Variants in ABCA13 observed in about 807,000 individuals in gnomAD.
ABCA13 encodes ATP-binding cassette sub-family A member 13.
Under a neutral mutation model 478.7 loss-of-function variants are expected in ABCA13, and 476 were observed. The observed-to-expected ratio is 0.99, with a 90% confidence interval of 0.92 to 1.07. The LOEUF (loss-of-function observed/expected upper bound fraction) is 1.07, where lower values mean the gene tolerates loss of function less well. Among genes scored for constraint, ABCA13 ranks in the 50% least tolerant of loss-of-function variants. ABCA13 has a pLI of 0.00. For missense variants in ABCA13, 6,060 were observed against 5,910.6 expected (o/e 1.03, Z -0.83); for synonymous variants, 2,252 against 2,158.9 (o/e 1.04, Z -1.20).
intron 55 of ABCA13, among the ~76,000 whole-genome samples, chr7:48,533,196 C>G (rs1184809514): frequency 1.3e-5 from 2 of 152,044 alleles, no homozygotes; most frequent in Non-Finnish European, 2.9e-5. Flanking sequence ...CAGGTTGTGT[C>G]ACTATTATCA....
At chr7:48,530,346 G>GTA (rs1833145669) in intron 55 of ABCA13, among the ~76,000 whole-genome samples, 1 of 151,450 alleles carries the variant, frequency 6.6e-6, no homozygotes, top group South Asian at 2.1e-4. Context: ...ATATATAGAT[G>GTA]TATATATACA....
chr7:48,619,631 C>A (rs1213652020), intron 59 of ABCA13, among the ~76,000 whole-genome samples: 1 of 152,122 alleles, frequency 6.6e-6, no homozygotes, highest in Non-Finnish European at 1.5e-5. Context: ...CAAGGCCTAA[C>A]AGGGCAGGCA....
chr7:48,588,533 T>G (rs1789425264), intron 57 of ABCA13, among the ~76,000 whole-genome samples: 2 of 152,148 alleles, frequency 1.3e-5, no homozygotes, highest in Admixed American at 1.3e-4. Flanking sequence ...TGTGACAGAG[T>G]GGTCAAGGTG....
chr7:48,225,780 C>T (rs1162445731), intron 5 of ABCA13, among the ~76,000 whole-genome samples: 1 of 151,846 alleles, frequency 6.6e-6, no homozygotes, highest in Non-Finnish European at 1.5e-5. Context: ...AGGAATGAAC[C>T]GATAGAGGGG....
intron 45 of ABCA13, among the ~76,000 whole-genome samples, chr7:48,479,914 C>A (rs549270860): frequency 6.6e-6 from 1 of 152,298 alleles, no homozygotes; most frequent in East Asian, 1.9e-4. Flanking sequence ...TTTTCATTTT[C>A]ATTTTGCAAA....
intron 1 of ABCA13, among the ~76,000 whole-genome samples, chr7:48,179,681 TTCAGAATGATG>T (rs1795393706): frequency 6.6e-6 from 1 of 152,148 alleles, no homozygotes; most frequent in Non-Finnish European, 1.5e-5. Flanking sequence ...TGTCAGCTCA[TTCAGAATGATG>T]TCAGAATGAT....
intron 25 of ABCA13, 149 bp from the exon 26 acceptor site, chr7:48,314,083 A>G: frequency 1.1e-6 from 1 of 938,390 alleles, no homozygotes; most frequent in Non-Finnish European, 1.6e-6. Context: ...TATCCCAAGG[A>G]CAGAAAACTC....
At position 48,467,005 on chromosome 7, in the gene ABCA13, A is replaced by C. The variant is rs1355182323; in HGVS notation, c.12865A>C (p.Arg4289=). The change falls in exon 44 of 62, where the codon AGA becomes CGA. Residue 4289 remains arginine (R), a synonymous_variant. Transcript: ENST00000435803. ...CACCCGTGTGCTTCTGCGGAAGTTT[A>C]GAGATCAAGATTTGCCCTGTGCAGA... ...DLTRVLLRKF[R]DQDLPCADLN... is the part of the protein sequence containing the mutation. 3 of 1,613,856 alleles carry C rather than the reference A, an allele frequency of 1.9e-6. No homozygotes were observed. In the South Asian group the frequency reaches 3.3e-5, roughly 18 times the overall value.
chr7:48,241,687 A>C (rs1033239361), intron 10 of ABCA13, among the ~76,000 whole-genome samples: 2 of 152,174 alleles, frequency 1.3e-5, no homozygotes, highest in African/African-American at 4.8e-5. Context: ...TGATTTCTCA[A>C]TATTATCTCA....
intron 55 of ABCA13, among the ~76,000 whole-genome samples, chr7:48,579,626 CAG>C (rs1788519168): frequency 9.4e-6 from 1 of 106,816 alleles, no homozygotes; most frequent in Non-Finnish European, 1.9e-5. Context: ...AATAAAAAAA[CAG>C]TTTGATTATG....
intron 19 of ABCA13, among the ~76,000 whole-genome samples, chr7:48,285,568 A>G (rs769907673): frequency 2.6e-5 from 4 of 152,166 alleles, no homozygotes; most frequent in Non-Finnish European, 5.9e-5. Context: ...ATCATCCCTG[A>G]CCTAACCTTG....
intron 43 of ABCA13, among the ~76,000 whole-genome samples, chr7:48,458,239 G>T (rs1303299862): frequency 6.6e-6 from 1 of 152,208 alleles, no homozygotes; most frequent in Non-Finnish European, 1.5e-5. Context: ...TCTTGGCACA[G>T]GAATGATTCA....
intron 55 of ABCA13, among the ~76,000 whole-genome samples, chr7:48,538,651 CT>C (rs1833757937): frequency 6.6e-6 from 1 of 152,132 alleles, no homozygotes; most frequent in Non-Finnish European, 1.5e-5. Flanking sequence ...TAAAGGCAAT[CT>C]TGTAAACAAA....
chr7:48,313,345 C>A, intron 25 of ABCA13, 114 bp downstream of exon 25: 2 of 1,076,550 alleles, frequency 1.9e-6, no homozygotes, highest in Non-Finnish European at 2.6e-6. Flanking sequence ...CAGCAAAATA[C>A]AGGAATGAAA....
chr7:48,189,638 C>G (rs866741656), intron 1 of ABCA13, among the ~76,000 whole-genome samples: 1 of 152,088 alleles, frequency 6.6e-6, no homozygotes, highest in Non-Finnish European at 1.5e-5. Context: ...AACTAGAGAT[C>G]GGATGTGGAT....
At position 48,437,475 on chromosome 7, in the gene ABCA13, A is replaced by G. The variant is rs77742721; in HGVS notation, c.12565+9604A>G. 8.4e-4 allele frequency among the ~76,000 whole-genome samples: 128 copies of G among 152,106 alleles called. No individual in the cohort carries two copies. The East Asian group carries it at 0.02, about 23-fold the overall frequency. ...TCCTGATTTTTAGTCAATGCTGCCAATCTATGTCTTTGGTTTATATATTAT... is the reference window on the plus strand; with the variant it reads ...TCCTGATTTTTAGTCAATGCTGCCAGTCTATGTCTTTGGTTTATATATTAT... On this transcript the variant is annotated intron_variant, in intron 42 of 61. Transcript: ENST00000435803.
Position 48,248,285 on chromosome 7 carries a change from T to C in ABCA13, c.1706T>C (p.Val569Ala). Residue 569 changes from valine (V) to alanine (A), a missense_variant, in exon 14 of 62, where the codon GTT becomes GCT. Val to Ala is a moderately conservative substitution (Grantham distance 64, BLOSUM62 0). Transcript: ENST00000435803. ...EVITWHKNMSVLIPEEYLDWQ... is the reference protein window; with the variant it reads ...EVITWHKNMSALIPEEYLDWQ... Reference sequence around the variant, plus strand: ...ATTACTTGGCACAAAAATATGTCAGTTTTAATACCTGAAGAATATTTGGAC... The same window carrying C: ...ATTACTTGGCACAAAAATATGTCAGCTTTAATACCTGAAGAATATTTGGAC... 1 of 1,613,816 alleles carries C rather than the reference T, an allele frequency of 6.2e-7. No homozygotes were observed. The highest frequency in any genetic ancestry group is 8.5e-7 in the Non-Finnish European group (1 of 1,179,768).
chr7:48,219,431 C>T lies in ABCA13; in HGVS notation c.365C>T (p.Ala122Val), dbSNP rs749658724. The change falls in exon 4 of 62, where the codon GCA becomes GTA. Residue 122 changes from alanine to valine, a missense_variant. By Grantham distance (64) the Ala-to-Val change is moderately conservative. Around this residue, in one of 3 missense-constraint regions of ABCA13, gnomAD observed 4,423 missense variants for 4,309.1 expected, o/e 1.03. Coordinates refer to ENST00000435803, the MANE Select transcript of ABCA13 (RefSeq NM_152701.5). ...LAFLKEIQDLAEEIHGMMDKA... is the reference protein window; with the variant it reads ...LAFLKEIQDLVEEIHGMMDKA... ...TTTTTAAAAGAGATACAAGACCTGG[C>T]AGAGGAAATTCATGGAATGATGGAC... 1 of 1,612,896 alleles carries T rather than the reference C, an allele frequency of 6.2e-7. No individual in the cohort carries two copies. The highest frequency in any genetic ancestry group is 2.2e-5 in the East Asian group (1 of 44,832).
At chr7:48,294,453 T>A (rs1799074691) in intron 20 of ABCA13, among the ~76,000 whole-genome samples, 1 of 148,856 alleles carries the variant, frequency 6.7e-6, no homozygotes, top group African/African-American at 2.5e-5. Context: ...TTTTGTTTTT[T>A]TTTTGAGACG....
Sources: allele counts gnomAD v4.1 joint callset (sites outside exome capture counted in the v4.1 genomes callset), GRCh38; gene constraint gnomAD v4.1.1; regional missense constraint gnomAD v4.1.1; transcripts MANE v1.5; gene names NCBI Gene and HGNC (gene_info 2026-07-23, HGNC 2026-07-21).